The following ZFAND3 variants were observed in gnomAD, a reference collection of about 807,000 sequenced individuals.
The protein encoded by ZFAND3 is zinc finger AN1-type containing 3.
In ZFAND3, 10 loss-of-function variants were observed where a neutral mutation model predicts 29.6. The observed-to-expected ratio is 0.34, with a 90% confidence interval of 0.21 to 0.57. The LOEUF is 0.57. Ranked by LOEUF, ZFAND3 falls within the 20% of genes least tolerant of loss-of-function variation. The pLI is 0.86. For synonymous variants in ZFAND3, 128 were observed against 112.6 expected, an observed-to-expected ratio of 1.14 and a Z score of -0.87; for missense variants, 230 against 304.5, an observed-to-expected ratio of 0.76 and a Z score of 1.82.
chr6:37,878,821 A>G (rs1443167140), intron 1 of ZFAND3, among the ~76,000 whole-genome samples: 1 of 152,182 alleles, frequency 6.6e-6, no homozygotes, highest in Non-Finnish European at 1.5e-5. Flanking sequence ...ATGAGAGGTA[A>G]ACATTTTGTG....
chr6:37,939,098 A>G (rs942265053), intron 2 of ZFAND3, among the ~76,000 whole-genome samples: 1 of 152,192 alleles, frequency 6.6e-6, no homozygotes, highest in Non-Finnish European at 1.5e-5. Context: ...TGTATACATA[A>G]TCTCATTGGT....
At chr6:37,834,484 C>T (rs1561904662) in intron 1 of ZFAND3, among the ~76,000 whole-genome samples, 1 of 152,114 alleles carries the variant, frequency 6.6e-6, no homozygotes, top group South Asian at 2.1e-4. Flanking sequence ...TTTGTGTGGA[C>T]ATAAGTTTTC....
At chr6:37,947,234 T>C (rs765621879) in intron 2 of ZFAND3, among the ~76,000 whole-genome samples, 18 of 152,210 alleles carry the variant, frequency 1.2e-4, no homozygotes, top group Non-Finnish European at 2.5e-4. Flanking sequence ...AGTAAACTAG[T>C]CATCTATAGT....
chr6:37,960,477 T>C (rs774840132), intron 2 of ZFAND3, among the ~76,000 whole-genome samples: 5 of 152,220 alleles, frequency 3.3e-5, no homozygotes, highest in Non-Finnish European at 7.3e-5. Flanking sequence ...GATGTTTGCC[T>C]GAGCCTGGCA....
At position 38,123,216 on chromosome 6, in the gene ZFAND3, A is replaced by G. The variant is rs1355569025; in HGVS notation, c.529+6477A>G. ...TGCATGTGTCACAACTGTTGCTGCCATTGCAGGGGGCTACACAATGAACAA... is the reference window on the plus strand; with the variant it reads ...TGCATGTGTCACAACTGTTGCTGCCGTTGCAGGGGGCTACACAATGAACAA... On this transcript the variant is annotated intron_variant, in intron 5 of 5. Transcript: ENST00000287218. 2.0e-5 allele frequency among the ~76,000 whole-genome samples: 3 copies of G among 152,358 alleles called. No individual in the cohort carries two copies. In the East Asian group the frequency reaches 5.8e-4, roughly 29 times the overall value.
At chr6:38,062,944 C>A (rs994232736) in intron 3 of ZFAND3, among the ~76,000 whole-genome samples, 19 of 151,296 alleles carry the variant, frequency 1.3e-4, no homozygotes, top group African/African-American at 4.6e-4. Context: ...AAAAAATTAG[C>A]CAGGCGTGGT....
At chr6:38,018,643 G>A (rs1045979060) in intron 2 of ZFAND3, among the ~76,000 whole-genome samples, 5 of 151,934 alleles carry the variant, frequency 3.3e-5, no homozygotes, top group African/African-American at 1.2e-4. Flanking sequence ...TTTTATTGTG[G>A]CTGTATAGTT....
intron 1 of ZFAND3, among the ~76,000 whole-genome samples, chr6:37,822,058 C>G (rs1763677432): frequency 6.6e-6 from 1 of 152,220 alleles, no homozygotes; most frequent in Non-Finnish European, 1.5e-5. Context: ...TGGTCTCAAA[C>G]TTCTGACCTC....
rs777817530 is a variant in ZFAND3 at position 38,061,705 on chromosome 6, G to A, written c.225G>A (p.Thr75=). Reference sequence around the variant, plus strand: ...ACAACAACAATACCTCGATAACCACGCCAACTCTTAGTCCCAGCCAGCAGC... The same window carrying A: ...ACAACAACAATACCTCGATAACCACACCAACTCTTAGTCCCAGCCAGCAGC... ...TSDNNNTSIT[T]PTLSPSQQPL... Residue 75 remains threonine (T), a synonymous_variant, in exon 3 of 6, where the codon ACG becomes ACA. Coordinates refer to ENST00000287218, the MANE Select transcript of ZFAND3 (RefSeq NM_021943.3). 1.9e-5 allele frequency: 30 copies of A among 1,613,968 alleles called. No homozygotes were observed. Among genetic ancestry groups the A allele is most frequent in the Non-Finnish European group, 2.5e-5 (29 of 1,180,028 alleles).
At chr6:38,014,312 T>TATTATTATTATTA (rs1554167168) in intron 2 of ZFAND3, among the ~76,000 whole-genome samples, 6 of 146,642 alleles carry the variant, frequency 4.1e-5, no homozygotes, top group African/African-American at 1.5e-4. Context: ...GTAATTTTAC[T>TATTATTATTATTA]TTATTATTAT....
At chr6:38,015,698 G>A (rs34451170) in intron 2 of ZFAND3, among the ~76,000 whole-genome samples, 4,888 of 152,264 alleles carry the variant, frequency 0.032, 92 homozygotes, top group Middle Eastern at 0.041. Flanking sequence ...ATAAAGTTGG[G>A]CAACTTGCAA....
chr6:38,039,003 A>G (rs1218097200), intron 2 of ZFAND3, among the ~76,000 whole-genome samples: 2 of 152,224 alleles, frequency 1.3e-5, no homozygotes, highest in Non-Finnish European at 2.9e-5. Flanking sequence ...AGTATCAGAT[A>G]GGTTGGAAAT....
chr6:38,061,798 G>C lies in ZFAND3; in HGVS notation c.295+23G>C, dbSNP rs775775314. 7 of 1,611,976 alleles carry C rather than the reference G, an allele frequency of 4.3e-6. No homozygotes were observed. The African/African-American group carries it at 5.3e-5, about 12-fold the overall frequency. On this transcript the variant is annotated intron_variant, in intron 3 of 5. Coordinates refer to ENST00000287218, the MANE Select transcript of ZFAND3 (RefSeq NM_021943.3). ...AGTGTAAGTGTCTGGCTTCTGAGGGGTGGTAGAGAGAGCAGCTTAAGAACT... is the reference window on the plus strand; with the variant it reads ...AGTGTAAGTGTCTGGCTTCTGAGGGCTGGTAGAGAGAGCAGCTTAAGAACT...
rs1561795813 is a variant in ZFAND3 at position 38,153,614 on chromosome 6, G to A, written c.*1225G>A. The A allele has an allele frequency of 3.0e-6, 3 of 985,350 alleles. No individual in the cohort carries two copies. Among genetic ancestry groups the A allele is most frequent in the Non-Finnish European group, 3.6e-6 (3 of 830,026 alleles). The allele number at this position is 985,350 out of a possible 1,614,324, so 61.0% of individuals were successfully genotyped here. ...GGCCTGAGGGTACATTTCTCCACCT[G>A]TGCCCCCTCATGTTCACAGAGGATT... On this transcript the variant is annotated 3_prime_UTR_variant, in exon 6 of 6. Transcript: ENST00000287218.
At chr6:38,119,450 TC>T (rs1399562527) in intron 5 of ZFAND3, among the ~76,000 whole-genome samples, 3 of 152,210 alleles carry the variant, frequency 2.0e-5, no homozygotes, top group Non-Finnish European at 4.4e-5. Context: ...AATCTTTTCT[TC>T]CATTTGCCTT....
Position 37,996,814 on chromosome 6 carries a change from G to A in ZFAND3, c.113-64779G>A, listed in dbSNP as rs148938990. ...TTCTACAATATGAGACATTTCCCAT[G>A]TTTCTATTTTGTTTTCCAATTATTT... is the stretch of plus-strand genomic sequence containing the variant. On this transcript the variant is annotated intron_variant, in intron 2 of 5. Transcript: ENST00000287218. Among the ~76,000 whole-genome samples, 33 of 152,018 alleles carry A rather than the reference G, an allele frequency of 2.2e-4. No homozygotes were observed. The East Asian group carries it at 6.4e-3, about 29-fold the overall frequency.
At chr6:38,105,448 A>G (rs1765189406) in intron 4 of ZFAND3, among the ~76,000 whole-genome samples, 1 of 152,220 alleles carries the variant, frequency 6.6e-6, no homozygotes, top group African/African-American at 2.4e-5. Context: ...TGGGTTGTGT[A>G]CACACTGTAT....
chr6:37,992,494 C>A (rs1473599744), intron 2 of ZFAND3, among the ~76,000 whole-genome samples: 1 of 152,126 alleles, frequency 6.6e-6, no homozygotes, highest in East Asian at 1.9e-4. Context: ...CATTTTTCCA[C>A]GTATGCTTTC....
At chr6:38,013,157 T>G (rs777585846) in intron 2 of ZFAND3, among the ~76,000 whole-genome samples, 1 of 152,200 alleles carries the variant, frequency 6.6e-6, no homozygotes, top group African/African-American at 2.4e-5. Flanking sequence ...ATACACGAAT[T>G]TGAGTTACAT....
Sources: gnomAD v4.1 joint callset for allele counts (sites outside exome capture counted in the v4.1 genomes callset) on GRCh38, gnomAD v4.1.1 for gene constraint, MANE v1.5 for transcripts, NCBI Gene and HGNC (gene_info 2026-07-23, HGNC 2026-07-21) for gene names.